ROBO1: variants seen among roughly 807,000 people sequenced by gnomAD.
ROBO1 encodes roundabout homolog 1.
Under a neutral mutation model 195.9 loss-of-function variants are expected in ROBO1, and 149 were observed. The ratio of observed to expected loss-of-function variants is 0.76; its 90% CI spans 0.67 to 0.87. The LOEUF is 0.87. ROBO1 is among the 40% of genes least tolerant of loss of function. The probability of loss-of-function intolerance (pLI) is 0.00; values close to 1 mark genes in which losing one functional copy is unlikely to be tolerated. For missense variants in ROBO1, 1,933 were observed against 2,068.3 expected, an observed-to-expected ratio of 0.93 and a Z score of 1.27; for synonymous variants, 816 against 733.2, an observed-to-expected ratio of 1.11 and a Z score of -1.82.
At chr3:78,815,020 G>T (rs574928454) in intron 4 of ROBO1, among the ~76,000 whole-genome samples, 4 of 152,036 alleles carry the variant, frequency 2.6e-5, no homozygotes, top group Non-Finnish European at 5.9e-5. Flanking sequence ...GGGATGTGAC[G>T]AATCACAACC....
At chr3:79,235,278 TA>T (rs2082387407) in intron 2 of ROBO1, among the ~76,000 whole-genome samples, 1 of 152,212 alleles carries the variant, frequency 6.6e-6, no homozygotes, top group Non-Finnish European at 1.5e-5. Context: ...AGAAAGTTTT[TA>T]TTTTTTAAAA....
intron 4 of ROBO1, among the ~76,000 whole-genome samples, chr3:78,924,132 T>C (rs901155204): frequency 2.0e-5 from 3 of 152,002 alleles, no homozygotes; most frequent in African/African-American, 7.2e-5. Flanking sequence ...CTATGAGAAA[T>C]GGTGCTTTTG....
intron 2 of ROBO1, among the ~76,000 whole-genome samples, chr3:79,311,536 G>A (rs1189904922): frequency 6.6e-6 from 1 of 152,076 alleles, no homozygotes; most frequent in Non-Finnish European, 1.5e-5. Flanking sequence ...CTATAAGCAT[G>A]CTGTCAGGTT....
chr3:79,330,384 A>G (rs1202845113), intron 2 of ROBO1, among the ~76,000 whole-genome samples: 1 of 150,598 alleles, frequency 6.6e-6, no homozygotes, highest in Non-Finnish European at 1.5e-5. Flanking sequence ...TAAGACTCAA[A>G]GGTTAAATCT....
intron 2 of ROBO1, among the ~76,000 whole-genome samples, chr3:79,140,239 G>C (rs897641122): frequency 1.2e-4 from 19 of 152,094 alleles, no homozygotes; most frequent in African/African-American, 3.9e-4. Flanking sequence ...ACTGGTTACT[G>C]TGTAGAATGA....
chr3:79,072,907 C>G (rs557496843), intron 3 of ROBO1, among the ~76,000 whole-genome samples: 4 of 152,040 alleles, frequency 2.6e-5, no homozygotes, highest in African/African-American at 9.6e-5. Flanking sequence ...TTGGGTATTA[C>G]TAGATTCATT....
chr3:79,622,258 G>A (rs1945030707), intron 1 of ROBO1, among the ~76,000 whole-genome samples: 1 of 152,134 alleles, frequency 6.6e-6, no homozygotes, highest in Non-Finnish European at 1.5e-5. Context: ...TCCCAACCCT[G>A]GAACGCACAA....
intron 3 of ROBO1, among the ~76,000 whole-genome samples, chr3:79,084,257 G>A (rs1283384217): frequency 1.3e-5 from 2 of 152,110 alleles, no homozygotes; most frequent in East Asian, 1.9e-4. Context: ...CCAGCACTTC[G>A]GGAGGCTGAG....
Position 79,420,348 on chromosome 3 carries a change from C to T in ROBO1, c.88+169476G>A, listed in dbSNP as rs116579922. Among the ~76,000 whole-genome samples, 466 of 152,208 alleles carry T rather than the reference C, an allele frequency of 3.1e-3. 3 individuals carry two copies. The highest frequency in any genetic ancestry group is 0.011 in the African/African-American group (440 of 41,540). On this transcript the variant is annotated intron_variant, in intron 2 of 30. Coordinates refer to ENST00000464233, the MANE Select transcript of ROBO1 (RefSeq NM_002941.4). ...GAATCTTGCATCCATGTTAGTAAAA[C>T]CTTCCTCCAATACATTTCTTACCAA... is the stretch of plus-strand genomic sequence containing the variant.
chr3:79,120,708 T>C (rs1008477602), intron 3 of ROBO1, among the ~76,000 whole-genome samples: 2 of 152,022 alleles, frequency 1.3e-5, no homozygotes, highest in African/African-American at 2.4e-5. Flanking sequence ...CTGGACATAA[T>C]TGAGCATCTA....
chr3:79,637,521 A>G (rs1945531270), intron 1 of ROBO1, among the ~76,000 whole-genome samples: 1 of 152,162 alleles, frequency 6.6e-6, no homozygotes, highest in Non-Finnish European at 1.5e-5. Flanking sequence ...CAATATTATA[A>G]AAAGTTTGAA....
At chr3:79,108,206 C>T (rs1464653549) in intron 3 of ROBO1, among the ~76,000 whole-genome samples, 2 of 151,556 alleles carry the variant, frequency 1.3e-5, no homozygotes, top group Non-Finnish European at 3.0e-5. Flanking sequence ...GAAAGTACCC[C>T]AAGATACATC....
intron 8 of ROBO1, among the ~76,000 whole-genome samples, chr3:78,712,849 T>C (rs564050440): frequency 1.3e-5 from 2 of 152,312 alleles, no homozygotes; most frequent in South Asian, 2.1e-4. Flanking sequence ...CACAGTAGAA[T>C]AGCTGTTAGT....
intron 1 of ROBO1, among the ~76,000 whole-genome samples, chr3:79,630,768 G>A (rs540653602): frequency 4.6e-5 from 7 of 151,768 alleles, no homozygotes; most frequent in South Asian, 2.1e-4. Context: ...ACTTGATAGC[G>A]ATATCAGTAA....
chr3:79,499,353 A>G (rs1939930807), intron 2 of ROBO1, among the ~76,000 whole-genome samples: 1 of 152,232 alleles, frequency 6.6e-6, no homozygotes, highest in Admixed American at 6.5e-5. Context: ...TTATAAAGTA[A>G]TTAAAAATAG....
chr3:79,647,576 G>A (rs1229972183), intron 1 of ROBO1, among the ~76,000 whole-genome samples: 1 of 100,324 alleles, frequency 1.0e-5, no homozygotes, highest in African/African-American at 3.9e-5. Flanking sequence ...ATGTACTATC[G>A]GCATCTTGTA....
intron 5 of ROBO1, among the ~76,000 whole-genome samples, chr3:78,738,249 A>G (rs1194722473): frequency 6.6e-6 from 1 of 152,092 alleles, no homozygotes; most frequent in African/African-American, 2.4e-5. Context: ...TTTTTACCAA[A>G]ATATCACACC....
At chr3:79,749,413 G>A (rs939410687) in intron 1 of ROBO1, among the ~76,000 whole-genome samples, 2 of 152,296 alleles carry the variant, frequency 1.3e-5, no homozygotes, top group African/African-American at 4.8e-5. Flanking sequence ...TTTTTGAGGA[G>A]AAATTCAAGC....
intron 2 of ROBO1, among the ~76,000 whole-genome samples, chr3:79,434,513 T>C (rs570688568): frequency 6.6e-6 from 1 of 151,962 alleles, no homozygotes; most frequent in South Asian, 2.1e-4. Flanking sequence ...AAAACCACAA[T>C]GAGATACCAT....
Sources: gnomAD v4.1 joint callset for allele counts (sites outside exome capture counted in the v4.1 genomes callset) on GRCh38, gnomAD v4.1.1 for gene constraint, MANE v1.5 for transcripts, NCBI Gene and HGNC (gene_info 2026-07-23, HGNC 2026-07-21) for gene names.